Variants in ATG5 observed in about 807,000 individuals in gnomAD.
ATG5 encodes the protein autophagy protein 5.
Under a neutral mutation model 36.5 loss-of-function variants are expected in ATG5, and 14 were observed. The observed-to-expected ratio is 0.38, with a 90% CI of 0.25 to 0.60. The LOEUF is 0.60. Among genes scored for constraint, ATG5 ranks in the 20% least tolerant of loss-of-function variants. The pLI, the probability that ATG5 is intolerant of heterozygous loss-of-function variation, is 0.60. For synonymous variants in ATG5, 95 were observed against 101.5 expected (o/e 0.94, Z 0.38); for missense variants, 195 against 326.7 (o/e 0.60, Z 3.11).
intron 5 of ATG5, among the ~76,000 whole-genome samples, chr6:106,266,142 C>A (rs2114565812): frequency 6.6e-6 from 1 of 151,932 alleles, no homozygotes; most frequent in African/African-American, 2.4e-5. Context: ...CAAATAGACA[C>A]AATAAAAAAT....
At chr6:106,230,514 A>G (rs1252886158) in intron 6 of ATG5, among the ~76,000 whole-genome samples, 1 of 152,136 alleles carries the variant, frequency 6.6e-6, no homozygotes, top group African/African-American at 2.4e-5. Flanking sequence ...TACATCAGTG[A>G]GCATAACTAA....
intron 6 of ATG5, among the ~76,000 whole-genome samples, chr6:106,231,545 T>G (rs1766196): frequency 0.086 from 13,031 of 152,216 alleles, 590 homozygotes; most frequent in South Asian, 0.13. Flanking sequence ...AAGAAGCCTG[T>G]GAGTTATTCA....
At chr6:106,207,534 C>T (rs888690285) in intron 6 of ATG5, among the ~76,000 whole-genome samples, 5 of 148,142 alleles carry the variant, frequency 3.4e-5, no homozygotes, top group African/African-American at 1.3e-4. Flanking sequence ...GACCTCATCT[C>T]TTAAAAAAAA....
At chr6:106,289,111 T>C (rs369630165) in intron 4 of ATG5, among the ~76,000 whole-genome samples, 1 of 152,160 alleles carries the variant, frequency 6.6e-6, no homozygotes, top group Non-Finnish European at 1.5e-5. Flanking sequence ...AGAAGATAAA[T>C]GCAGAGACAC....
At chr6:106,271,785 G>A (rs1779464072) in intron 5 of ATG5, 1 of 145,348 alleles carries the variant, frequency 6.9e-6, no homozygotes, top group African/African-American at 2.7e-5. Flanking sequence ...TACACAGAAT[G>A]CTTTAAAAAA....
rs2787512 is a variant in ATG5, at chr6:106,322,685, G to A, written c.-59+2841C>T. Among the ~76,000 whole-genome samples, 1,169 of 152,246 alleles carry A rather than the reference G, an allele frequency of 7.7e-3. 20 individuals carry two copies. The highest frequency in any genetic ancestry group is 0.025 in the African/African-American group (1,029 of 41,514). On this transcript the variant is annotated intron_variant, in intron 1 of 7. Transcript: ENST00000369076. ...GAAATTTTGTAAATCTCTCCAAACT[G>A]TAAATGTTGAAATGCCCCAGGACTC...
At chr6:106,301,463 C>A (rs1472066796) in intron 3 of ATG5, among the ~76,000 whole-genome samples, 1 of 151,932 alleles carries the variant, frequency 6.6e-6, no homozygotes, top group Non-Finnish European at 1.5e-5. Flanking sequence ...CTGATACTCT[C>A]AAAATCTGGG....
At chr6:106,302,553 G>C (rs1770261218) in intron 3 of ATG5, among the ~76,000 whole-genome samples, 1 of 151,924 alleles carries the variant, frequency 6.6e-6, no homozygotes, top group Non-Finnish European at 1.5e-5. Flanking sequence ...AAATCAGATG[G>C]GCCTGAATCC....
chr6:106,229,112 G>A (rs949366381), intron 6 of ATG5, among the ~76,000 whole-genome samples: 1 of 152,204 alleles, frequency 6.6e-6, no homozygotes, highest in African/African-American at 2.4e-5. Flanking sequence ...CCTTACCTCT[G>A]AATCTACTTC....
chr6:106,227,263 A>G (rs1191631545), intron 6 of ATG5, among the ~76,000 whole-genome samples: 1 of 152,204 alleles, frequency 6.6e-6, no homozygotes, highest in Non-Finnish European at 1.5e-5. Flanking sequence ...GATGTTGTCA[A>G]TAGGCAATCA....
At chr6:106,284,251 C>G (rs1562255093) in intron 4 of ATG5, among the ~76,000 whole-genome samples, 1 of 152,166 alleles carries the variant, frequency 6.6e-6, no homozygotes, top group Non-Finnish European at 1.5e-5. Context: ...GATGACATAC[C>G]AAACTGCTTT....
At chr6:106,206,680 A>G (rs1027018067) in intron 6 of ATG5, among the ~76,000 whole-genome samples, 2 of 151,768 alleles carry the variant, frequency 1.3e-5, no homozygotes, top group Non-Finnish European at 2.9e-5. Flanking sequence ...ACACTCTAAC[A>G]TATTTTGGTA....
chr6:106,318,147 C>T (rs1386223252), intron 1 of ATG5, among the ~76,000 whole-genome samples: 1 of 152,120 alleles, frequency 6.6e-6, no homozygotes, highest in Non-Finnish European at 1.5e-5. Flanking sequence ...TAATCCAAGA[C>T]AATTGCTCTT....
At chr6:106,221,708 AAAG>A (rs1164395668) in intron 6 of ATG5, among the ~76,000 whole-genome samples, 136 of 141,086 alleles carry the variant, frequency 9.6e-4, no homozygotes, top group Non-Finnish European at 1.8e-3. Flanking sequence ...AAAAAGAAAG[AAAG>A]AAAAAAAAAT....
intron 4 of ATG5, among the ~76,000 whole-genome samples, chr6:106,289,147 T>C (rs1321676028): frequency 6.6e-6 from 1 of 152,204 alleles, no homozygotes; most frequent in Non-Finnish European, 1.5e-5. Context: ...TGTTACTCAA[T>C]ACATCCAATC....
intron 3 of ATG5, 138 bp downstream of exon 3, chr6:106,308,226 T>C (rs1770523257): frequency 1.6e-6 from 1 of 636,930 alleles, no homozygotes; most frequent in Non-Finnish European, 2.3e-6. Flanking sequence ...CTAGTAATAG[T>C]CTAAACTTCA....
chr6:106,212,532 G>A (rs1391090990), intron 6 of ATG5, among the ~76,000 whole-genome samples: 3 of 152,106 alleles, frequency 2.0e-5, no homozygotes, highest in Non-Finnish European at 4.4e-5. Context: ...CCAGCTACTC[G>A]GGAGGCTGAG....
At chr6:106,249,054 T>C (rs1778461449) in intron 5 of ATG5, among the ~76,000 whole-genome samples, 1 of 152,242 alleles carries the variant, frequency 6.6e-6, no homozygotes, top group South Asian at 2.1e-4. Context: ...AAGTGCCAAC[T>C]GCAGCTTAAT....
chr6:106,208,210 G>A (rs1309593270), intron 6 of ATG5, among the ~76,000 whole-genome samples: 1 of 151,494 alleles, frequency 6.6e-6, no homozygotes, highest in Non-Finnish European at 1.5e-5. Flanking sequence ...ATATACATAT[G>A]TGTATATATA....
Sources: allele counts gnomAD v4.1 joint callset (sites outside exome capture counted in the v4.1 genomes callset), GRCh38; gene constraint gnomAD v4.1.1; transcripts MANE v1.5; gene names NCBI Gene and HGNC (gene_info 2026-07-23, HGNC 2026-07-21).